Variants in TANC1 observed in about 807,000 individuals in gnomAD.
TANC1 encodes the protein protein TANC1.
In TANC1, 77 loss-of-function variants were observed where a neutral mutation model predicts 149.7. That is an observed-to-expected ratio of 0.51 (90% CI 0.43 to 0.62). The LOEUF (loss-of-function observed/expected upper bound fraction) is 0.62, where lower values mean the gene tolerates loss of function less well. TANC1 is among the 20% of genes least tolerant of loss of function. The probability of loss-of-function intolerance (pLI) is 0.00; values close to 1 mark genes in which losing one functional copy is unlikely to be tolerated. For missense variants in TANC1, 1,985 were observed against 2,321.8 expected, an observed-to-expected ratio of 0.85 and a Z score of 2.98; for synonymous variants, 854 against 925.0, an observed-to-expected ratio of 0.92 and a Z score of 1.39.
At chr2:159,219,932 C>A in intron 22 of TANC1, 65 bp downstream of exon 22, 1 of 1,539,076 alleles carries the variant, frequency 6.5e-7, no homozygotes, top group Non-Finnish European at 8.9e-7. Flanking sequence ...AAGTGAACAG[C>A]TCAATCCAGG....
chr2:158,991,995 A>C (rs940695068), intron 1 of TANC1, among the ~76,000 whole-genome samples: 1 of 152,222 alleles, frequency 6.6e-6, no homozygotes, highest in Admixed American at 6.5e-5. Context: ...GTGCTCTCAC[A>C]TCAATTAAAA....
intron 2 of TANC1, among the ~76,000 whole-genome samples, chr2:159,023,300 A>G (rs2038977972): frequency 6.6e-6 from 1 of 152,002 alleles, no homozygotes; most frequent in Admixed American, 6.5e-5. Flanking sequence ...AATCTGACAA[A>G]TTTTTAGAGA....
intron 1 of TANC1, among the ~76,000 whole-genome samples, chr2:158,973,653 C>G (rs774947689): frequency 6.6e-6 from 1 of 152,058 alleles, no homozygotes; most frequent in Non-Finnish European, 1.5e-5. Context: ...CAAAGTATCC[C>G]ACAAAGAAGA....
chr2:159,174,729 A>C (rs2055650426), intron 11 of TANC1, among the ~76,000 whole-genome samples: 1 of 152,230 alleles, frequency 6.6e-6, no homozygotes. Flanking sequence ...GCTGATTTTT[A>C]TGCTAATCAA....
intron 4 of TANC1, among the ~76,000 whole-genome samples, chr2:159,113,754 G>A (rs1379613602): frequency 6.6e-6 from 1 of 152,198 alleles, no homozygotes; most frequent in Non-Finnish European, 1.5e-5. Flanking sequence ...CCCGATTACT[G>A]GGGAAGCAGA....
In TANC1 at chr2:159,232,126, G is replaced by GT. The variant is rs1231762224; in HGVS notation, c.*1115dup. ...ATTAGGGCATGTTAACAGTATACCA[G>GT]TAACAGCACTTTATCTCATTTATAT... On this transcript the variant is annotated 3_prime_UTR_variant, in exon 27 of 27. Transcript: ENST00000263635. The GT allele has an allele frequency of 5.2e-5, 8 of 152,632 alleles. No individual in the cohort carries two copies. The highest frequency in any genetic ancestry group is 1.5e-5 in the Non-Finnish European group (1 of 68,024). 9.5% of individuals were successfully genotyped at this position (152,632 alleles called of 1,614,324 possible).
intron 19 of TANC1, among the ~76,000 whole-genome samples, chr2:159,213,386 A>G (rs2059129907): frequency 6.6e-6 from 1 of 151,420 alleles, no homozygotes; most frequent in Non-Finnish European, 1.5e-5. Context: ...ATCACATTGG[A>G]CCCTGGTTTC....
At chr2:159,039,958 G>A (rs1288266388) in intron 2 of TANC1, among the ~76,000 whole-genome samples, 5 of 152,186 alleles carry the variant, frequency 3.3e-5, no homozygotes, top group African/African-American at 9.7e-5. Flanking sequence ...GGGTGTTAAA[G>A]TCTCCCATTA....
intron 4 of TANC1, among the ~76,000 whole-genome samples, chr2:159,131,916 G>A (rs928001888): frequency 6.6e-6 from 1 of 152,248 alleles, no homozygotes. Context: ...GAAGATCAGA[G>A]ACAAGTAGGA....
At chr2:159,112,242 T>TTTTTTG (rs1280515252) in intron 4 of TANC1, among the ~76,000 whole-genome samples, 2 of 152,084 alleles carry the variant, frequency 1.3e-5, no homozygotes, top group East Asian at 3.9e-4. Context: ...TGTTGGTTTG[T>TTTTTTG]TTTTTGTTTT....
chr2:159,219,598 G>A, intron 21 of TANC1, 94 bp from the exon 22 acceptor site: 1 of 1,501,478 alleles, frequency 6.7e-7, no homozygotes, highest in Admixed American at 1.7e-5. Context: ...CTGACACTTG[G>A]TTCAGGCCGG....
chr2:159,191,867 T>C (rs2057469150), intron 16 of TANC1, among the ~76,000 whole-genome samples: 1 of 152,198 alleles, frequency 6.6e-6, no homozygotes, highest in Admixed American at 6.5e-5. Flanking sequence ...TCTGTGGTTT[T>C]CACATTTAGT....
chr2:159,135,026 A>G (rs1423720674), intron 4 of TANC1, among the ~76,000 whole-genome samples: 1 of 152,206 alleles, frequency 6.6e-6, no homozygotes, highest in African/African-American at 2.4e-5. Context: ...GAGTTGTACA[A>G]CCATCCCTAC....
Position 159,163,462 on chromosome 2 carries a change from G to A in TANC1, c.862G>A (p.Ala288Thr). ...TGSAESTLPK[A>T]ESSAGDGPVP... ...GTCAGCAGAGAGCACGCTGCCCAAA[G>A]CAGAATCCTCAGCTGGAGATGGTCC... The change falls in exon 8 of 27, where the codon GCA (alanine) becomes ACA (threonine). Residue 288 changes from alanine (A) to threonine (T), a missense_variant. Coordinates refer to ENST00000263635, the MANE Select transcript of TANC1 (RefSeq NM_033394.3). 1 of 1,613,992 alleles carries A rather than the reference G, an allele frequency of 6.2e-7. No individual in the cohort carries two copies. Among genetic ancestry groups the A allele is most frequent in the Non-Finnish European group, 8.5e-7 (1 of 1,180,010 alleles).
rs141772220 is a variant in TANC1, at chr2:159,212,906, C to A, written c.3245-4591C>A. Among the ~76,000 whole-genome samples the A allele has an allele frequency of 2.7e-3, 325 of 121,370 alleles. 1 individual carries two copies. The highest frequency in any genetic ancestry group is 0.01 in the African/African-American group (314 of 31,158). 79.6% of individuals were successfully genotyped at this position (121,370 alleles called of 152,430 possible). On this transcript the variant is annotated intron_variant, in intron 19 of 26. Coordinates refer to ENST00000263635, the MANE Select transcript of TANC1 (RefSeq NM_033394.3). The stretch of plus-strand genomic sequence containing the variant: ...CTGCACTCCAGCCTGGGTGACAGGG[C>A]GAGACACCGTCTCAAAAAAAAAAAA...
chr2:159,186,883 C>A lies in TANC1; in HGVS notation c.2620-19C>A, dbSNP rs766978841. The A allele has an allele frequency of 5.6e-6, 9 of 1,614,004 alleles. No individual in the cohort carries two copies. The African/African-American group carries it at 1.2e-4, about 22-fold the overall frequency. On this transcript the variant is annotated intron_variant, in intron 15 of 26. Coordinates refer to ENST00000263635, the MANE Select transcript of TANC1 (RefSeq NM_033394.3). ...ATCTGTCTCTGATTGTTTCCAAGAT[C>A]TGTCTCGATTGTTTCCAGGGCCTCA...
intron 4 of TANC1, among the ~76,000 whole-genome samples, chr2:159,111,093 G>A (rs2047674548): frequency 6.6e-6 from 1 of 152,252 alleles, no homozygotes; most frequent in Admixed American, 6.5e-5. Context: ...AACTGGTGAT[G>A]TGAGTATAAA....
At chr2:158,983,184 T>G (rs2034567622) in intron 1 of TANC1, among the ~76,000 whole-genome samples, 1 of 152,076 alleles carries the variant, frequency 6.6e-6, no homozygotes. Context: ...AGTGGTGTTT[T>G]AGCCAGGCAC....
chr2:159,231,186 A>G lies in TANC1; in HGVS notation c.*174A>G, dbSNP rs1484728118. 4 of 562,248 alleles carry G rather than the reference A, an allele frequency of 7.1e-6. No homozygotes were observed. The highest frequency in any genetic ancestry group is 1.2e-5 in the Non-Finnish European group (4 of 320,094). The allele number at this position is 562,248 out of a possible 1,614,324, so 34.8% of individuals were successfully genotyped here. On this transcript the variant is annotated 3_prime_UTR_variant, in exon 27 of 27. Coordinates refer to ENST00000263635, the MANE Select transcript of TANC1 (RefSeq NM_033394.3). ...GATAAAACTTCTTTAATAGCTAGAAATCACCATAAATAAGAATGCTAAACA... is the reference window on the plus strand; with the variant it reads ...GATAAAACTTCTTTAATAGCTAGAAGTCACCATAAATAAGAATGCTAAACA...
Sources: allele counts gnomAD v4.1 joint callset (sites outside exome capture counted in the v4.1 genomes callset), GRCh38; gene constraint gnomAD v4.1.1; transcripts MANE v1.5; gene names NCBI Gene and HGNC (gene_info 2026-07-23, HGNC 2026-07-21).